Variants in MAP2K1 observed in about 807,000 individuals in gnomAD.
MAP2K1 encodes the protein dual specificity mitogen-activated protein kinase kinase 1.
In MAP2K1, 16 loss-of-function variants were observed where a neutral mutation model predicts 46.3. The observed-to-expected ratio is 0.35, with a 90% confidence interval of 0.23 to 0.52. The LOEUF (loss-of-function observed/expected upper bound fraction) is 0.52, where lower values mean the gene tolerates loss of function less well. MAP2K1 is among the 20% of genes least tolerant of loss of function. The pLI, the probability that MAP2K1 is intolerant of heterozygous loss-of-function variation, is 0.94. For synonymous variants in MAP2K1, 183 were observed against 185.6 expected, an observed-to-expected ratio of 0.99 and a Z score of 0.11; for missense variants, 263 against 497.1, an observed-to-expected ratio of 0.53 and a Z score of 4.48.
chr15:66,396,836 C>T (rs1595837495), intron 1 of MAP2K1, among the ~76,000 whole-genome samples: 1 of 150,868 alleles, frequency 6.6e-6, no homozygotes, highest in East Asian at 2.0e-4. Context: ...AGGCGCACAC[C>T]ACCACTCCCA....
chr15:66,396,533 G>T (rs2093368045), intron 1 of MAP2K1, among the ~76,000 whole-genome samples: 1 of 151,904 alleles, frequency 6.6e-6, no homozygotes, highest in Non-Finnish European at 1.5e-5. Flanking sequence ...GCCCCACAAG[G>T]TGCTGGGATT....
intron 5 of MAP2K1, 150 bp from the exon 6 acceptor site, chr15:66,481,605 G>C: frequency 1.2e-6 from 1 of 814,328 alleles, no homozygotes. Context: ...TTGGTGTACA[G>C]TGTTTGCAAG....
intron 1 of MAP2K1, among the ~76,000 whole-genome samples, chr15:66,403,579 A>G (rs1395129715): frequency 6.6e-6 from 1 of 152,188 alleles, no homozygotes; most frequent in Non-Finnish European, 1.5e-5. Context: ...AGAATCTCGA[A>G]TGCTCTTAAA....
chr15:66,462,445 C>T (rs781528938), intron 5 of MAP2K1, among the ~76,000 whole-genome samples: 5 of 140,738 alleles, frequency 3.6e-5, no homozygotes, highest in East Asian at 2.0e-4. Context: ...TGCAGTGAGC[C>T]GAGATCGCAC....
chr15:66,441,409 A>G (rs2093503268), intron 3 of MAP2K1, among the ~76,000 whole-genome samples: 1 of 152,054 alleles, frequency 6.6e-6, no homozygotes, highest in Non-Finnish European at 1.5e-5. Context: ...AGTGACTCAC[A>G]CTTGTAATCC....
chr15:66,406,891 G>A (rs1260935899), intron 1 of MAP2K1, among the ~76,000 whole-genome samples: 2 of 152,184 alleles, frequency 1.3e-5, no homozygotes, highest in African/African-American at 4.8e-5. Context: ...AATTAGCCGG[G>A]CGTGGTGGTG....
intron 5 of MAP2K1, 136 bp from the exon 6 acceptor site, chr15:66,481,619 A>G: frequency 1.0e-6 from 1 of 966,774 alleles, no homozygotes. Flanking sequence ...TTGCAAGCCA[A>G]GGGCTGCCTC....
At chr15:66,446,085 C>T (rs1203093549) in intron 5 of MAP2K1, among the ~76,000 whole-genome samples, 1 of 151,848 alleles carries the variant, frequency 6.6e-6, no homozygotes, top group African/African-American at 2.4e-5. Flanking sequence ...ATTAGCCGGG[C>T]GTGGTGGCGG....
At chr15:66,416,692 C>T (rs555797749) in intron 1 of MAP2K1, among the ~76,000 whole-genome samples, 1 of 152,202 alleles carries the variant, frequency 6.6e-6, no homozygotes, top group East Asian at 1.9e-4. Flanking sequence ...GGCTCCTTTT[C>T]CTTGGTTTCC....
intron 5 of MAP2K1, among the ~76,000 whole-genome samples, chr15:66,472,831 CT>C (rs1892672610): frequency 6.6e-6 from 1 of 152,162 alleles, no homozygotes; most frequent in Non-Finnish European, 1.5e-5. Context: ...GGAGGCCATA[CT>C]TTGGTGGAGC....
At chr15:66,489,912 C>A in intron 10 of MAP2K1, 149 bp downstream of exon 10, 1 of 755,140 alleles carries the variant, frequency 1.3e-6, no homozygotes. Context: ...AAACACCAGT[C>A]TCCTTTGCTC....
At chr15:66,414,558 A>G (rs2093420062) in intron 1 of MAP2K1, among the ~76,000 whole-genome samples, 1 of 152,182 alleles carries the variant, frequency 6.6e-6, no homozygotes, top group Admixed American at 6.5e-5. Flanking sequence ...AACAATATGC[A>G]CAGAGTATTA....
At chr15:66,466,730 T>G (rs534333995) in intron 5 of MAP2K1, among the ~76,000 whole-genome samples, 13 of 152,224 alleles carry the variant, frequency 8.5e-5, no homozygotes, top group Non-Finnish European at 1.6e-4. Context: ...AAGAAAAGTT[T>G]CCGTGACTCT....
chr15:66,444,866 G>C, intron 5 of MAP2K1, 159 bp downstream of exon 5: 2 of 665,576 alleles, frequency 3.0e-6, no homozygotes, highest in South Asian at 1.8e-5. Flanking sequence ...GGCTGAGGCA[G>C]CAACTCCTAC....
At chr15:66,440,652 AG>A (rs2093501268) in intron 3 of MAP2K1, among the ~76,000 whole-genome samples, 1 of 152,244 alleles carries the variant, frequency 6.6e-6, no homozygotes, top group Non-Finnish European at 1.5e-5. Context: ...GTTCTTGTGC[AG>A]GAATAAAAGC....
chr15:66,458,852 A>C (rs1002566238), intron 5 of MAP2K1, among the ~76,000 whole-genome samples: 1 of 152,090 alleles, frequency 6.6e-6, no homozygotes, highest in Non-Finnish European at 1.5e-5. Context: ...TACATAGCCC[A>C]CTGTAATTGG....
intron 5 of MAP2K1, among the ~76,000 whole-genome samples, chr15:66,445,820 G>A (rs1028077408): frequency 1.1e-4 from 16 of 151,394 alleles, no homozygotes; most frequent in African/African-American, 3.6e-4. Context: ...GGTCTAGGGA[G>A]AGATTAAAGG....
intron 8 of MAP2K1, chr15:66,488,678 A>G: frequency 5.3e-6 from 1 of 189,170 alleles, no homozygotes; most frequent in Non-Finnish European, 1.1e-5. Flanking sequence ...TGTTTTATTA[A>G]CTTTTCACTG....
intron 3 of MAP2K1, among the ~76,000 whole-genome samples, chr15:66,438,376 C>T (rs944290123): frequency 1.3e-5 from 2 of 152,150 alleles, no homozygotes; most frequent in African/African-American, 4.8e-5. Flanking sequence ...CATGAGCCAC[C>T]GTGCCCAACC....
Sources: gnomAD v4.1 joint callset for allele counts (sites outside exome capture counted in the v4.1 genomes callset) on GRCh38, gnomAD v4.1.1 for gene constraint, MANE v1.5 for transcripts, NCBI Gene and HGNC (gene_info 2026-07-23, HGNC 2026-07-21) for gene names.